Variants in GRIN2A observed in about 807,000 individuals in gnomAD.
GRIN2A encodes glutamate ionotropic receptor NMDA type subunit 2A.
Under a neutral mutation model 113.4 loss-of-function variants are expected in GRIN2A, and 22 were observed. The ratio of observed to expected loss-of-function variants is 0.19; its 90% CI spans 0.14 to 0.28. The LOEUF is 0.28. Among genes scored for constraint, GRIN2A ranks in the 10% least tolerant of loss-of-function variants. The pLI is 1.00. For synonymous variants in GRIN2A, 827 were observed against 738.4 expected (o/e 1.12, Z -1.94); for missense variants, 1,502 against 1,887.0 (o/e 0.80, Z 3.78).
At chr16:9,904,709 G>A (rs2043994820) in intron 3 of GRIN2A, among the ~76,000 whole-genome samples, 1 of 152,112 alleles carries the variant, frequency 6.6e-6, no homozygotes, top group African/African-American at 2.4e-5. Context: ...TCCATTGCAA[G>A]GGCCCCACCC....
At chr16:10,044,190 T>G (rs1276127578) in intron 2 of GRIN2A, among the ~76,000 whole-genome samples, 1 of 151,750 alleles carries the variant, frequency 6.6e-6, no homozygotes, top group African/African-American at 2.4e-5. Context: ...CTCGCCACCA[T>G]GCCCAGCTAA....
At chr16:9,895,539 G>C (rs994471807) in intron 3 of GRIN2A, among the ~76,000 whole-genome samples, 1 of 152,148 alleles carries the variant, frequency 6.6e-6, no homozygotes. Context: ...GTTTGTAAGA[G>C]GCAGATGGGC....
intron 2 of GRIN2A, among the ~76,000 whole-genome samples, chr16:10,071,770 T>A (rs570263436): frequency 3.3e-5 from 5 of 152,284 alleles, no homozygotes; most frequent in African/African-American, 1.2e-4. Context: ...CCTGCCACTA[T>A]CACTTCTTGA....
intron 3 of GRIN2A, among the ~76,000 whole-genome samples, chr16:9,932,838 C>T (rs963972364): frequency 1.3e-5 from 2 of 152,130 alleles, no homozygotes; most frequent in Admixed American, 6.6e-5. Context: ...ACCCAAGGTC[C>T]GAAGTCTAAA....
intron 2 of GRIN2A, among the ~76,000 whole-genome samples, chr16:10,155,887 C>T (rs1354269082): frequency 2.6e-5 from 4 of 152,186 alleles, no homozygotes; most frequent in Admixed American, 6.5e-5. Flanking sequence ...CACTGAATCC[C>T]TCCCAGGACA....
chr16:9,916,353 A>T (rs768650371), intron 3 of GRIN2A, among the ~76,000 whole-genome samples: 1 of 152,222 alleles, frequency 6.6e-6, no homozygotes, highest in East Asian at 1.9e-4. Context: ...GTTGCATTAA[A>T]CATCACCCAA....
intron 2 of GRIN2A, among the ~76,000 whole-genome samples, chr16:10,095,712 T>G (rs2048275816): frequency 6.6e-6 from 1 of 152,152 alleles, no homozygotes; most frequent in Admixed American, 6.5e-5. Flanking sequence ...AAGTTACTTG[T>G]TAATTACAAA....
chr16:10,043,504 A>G (rs2047201969), intron 2 of GRIN2A, among the ~76,000 whole-genome samples: 1 of 152,190 alleles, frequency 6.6e-6, no homozygotes, highest in Admixed American at 6.5e-5. Flanking sequence ...AAAGCAGGAC[A>G]GGTCTTGATG....
rs753755213 is a variant in GRIN2A at position 9,883,448 on chromosome 16, G to C, written c.1122+7538C>G. On this transcript the variant is annotated intron_variant, in intron 4 of 12. Coordinates refer to ENST00000330684, the MANE Select transcript of GRIN2A (RefSeq NM_001134407.3). Reference sequence around the variant, plus strand: ...TAACACTCTTACGAATTAGTATACAGGTCTGCAGGAATGAAGTGGAAAAGG... The same window carrying C: ...TAACACTCTTACGAATTAGTATACACGTCTGCAGGAATGAAGTGGAAAAGG... Among the ~76,000 whole-genome samples the C allele has an allele frequency of 2.0e-5, 3 of 152,192 alleles. No homozygotes were observed. The East Asian group carries it at 5.8e-4, about 29-fold the overall frequency.
intron 4 of GRIN2A, among the ~76,000 whole-genome samples, chr16:9,872,408 G>C (rs551307165): frequency 1.3e-5 from 2 of 152,010 alleles, no homozygotes; most frequent in African/African-American, 4.8e-5. Context: ...TCATCTCTTG[G>C]CATTGATTTT....
chr16:10,055,741 C>T (rs1040984363), intron 2 of GRIN2A, among the ~76,000 whole-genome samples: 15 of 152,156 alleles, frequency 9.9e-5, no homozygotes, highest in African/African-American at 3.4e-4. Context: ...ACCAATGTAG[C>T]CCAAATTTAG....
intron 4 of GRIN2A, among the ~76,000 whole-genome samples, chr16:9,876,436 C>G (rs1343247193): frequency 6.6e-6 from 1 of 152,142 alleles, no homozygotes; most frequent in Non-Finnish European, 1.5e-5. Context: ...TTTGTTTGAT[C>G]ACCAATAAAT....
intron 11 of GRIN2A, among the ~76,000 whole-genome samples, chr16:9,789,553 TACACACACACAC>T (rs71157785): frequency 4.0e-4 from 60 of 149,612 alleles, no homozygotes; most frequent in Admixed American, 6.7e-5. Context: ...GAAACATACA[TACACACACACAC>T]ACACACACAC....
At position 9,933,307 on chromosome 16, in the gene GRIN2A, G is replaced by A. The variant is rs182491440; in HGVS notation, c.1007+4652C>T. The stretch of plus-strand genomic sequence containing the variant: ...CCTTGCAAGCAGCCCCTGGTACCAC[G>A]CCCAGCCCATGAGCAACAATATCCT... On this transcript the variant is annotated intron_variant, in intron 3 of 12. Coordinates refer to ENST00000330684, the MANE Select transcript of GRIN2A (RefSeq NM_001134407.3). Among the ~76,000 whole-genome samples, 51 of 152,050 alleles carry A rather than the reference G, an allele frequency of 3.4e-4. No homozygotes were observed. In the East Asian group the frequency reaches 9.5e-3, roughly 28 times the overall value.
intron 2 of GRIN2A, among the ~76,000 whole-genome samples, chr16:10,010,170 C>T (rs2046479909): frequency 6.6e-6 from 1 of 152,252 alleles, no homozygotes; most frequent in African/African-American, 2.4e-5. Context: ...GGGTAGAGAA[C>T]AGCAAGGCCT....
chr16:10,056,761 A>G (rs1230163325), intron 2 of GRIN2A, among the ~76,000 whole-genome samples: 1 of 152,168 alleles, frequency 6.6e-6, no homozygotes, highest in African/African-American at 2.4e-5. Flanking sequence ...GGCAACCACC[A>G]GAAGTTAGAA....
At chr16:10,076,408 C>T (rs891281645) in intron 2 of GRIN2A, among the ~76,000 whole-genome samples, 3 of 152,154 alleles carry the variant, frequency 2.0e-5, no homozygotes, top group African/African-American at 7.2e-5. Flanking sequence ...AGAGTGGCGA[C>T]GGTGGGGACC....
intron 4 of GRIN2A, among the ~76,000 whole-genome samples, chr16:9,887,043 T>C (rs937668650): frequency 3.3e-5 from 5 of 152,092 alleles, no homozygotes; most frequent in African/African-American, 1.2e-4. Context: ...ACCACCACCA[T>C]GCCGGGCTAA....
intron 2 of GRIN2A, among the ~76,000 whole-genome samples, chr16:9,982,387 T>C (rs2045907691): frequency 6.6e-6 from 1 of 152,234 alleles, no homozygotes; most frequent in Admixed American, 6.5e-5. Context: ...GATCCATTAG[T>C]TCATTAACGT....
Sources: allele counts gnomAD v4.1 joint callset (sites outside exome capture counted in the v4.1 genomes callset), GRCh38; gene constraint gnomAD v4.1.1; transcripts MANE v1.5; gene names NCBI Gene and HGNC (gene_info 2026-07-23, HGNC 2026-07-21).